Variants in SGCZ observed in about 807,000 individuals in gnomAD.
The protein encoded by SGCZ is sarcoglycan zeta, also known as zeta-sarcoglycan.
SGCZ carries 40 observed loss-of-function variants against 41.3 expected under a neutral mutation model. The observed-to-expected ratio is 0.97, with a 90% CI of 0.75 to 1.26. The LOEUF (loss-of-function observed/expected upper bound fraction) is 1.26, where lower values mean the gene tolerates loss of function less well. Among genes scored for constraint, SGCZ ranks in the 50% most tolerant of loss-of-function variants. The pLI is 0.00. For synonymous variants in SGCZ, 206 were observed against 137.5 expected, an observed-to-expected ratio of 1.50 and a Z score of -3.49; for missense variants, 552 against 369.8, an observed-to-expected ratio of 1.49 and a Z score of -4.04.
At chr8:14,414,548 C>T (rs1585477645) in intron 2 of SGCZ, among the ~76,000 whole-genome samples, 1 of 151,950 alleles carries the variant, frequency 6.6e-6, no homozygotes, top group African/African-American at 2.4e-5. Context: ...TTATAAACCT[C>T]TTCAAAAGTA....
chr8:14,702,996 T>G (rs1278134336), intron 1 of SGCZ, among the ~76,000 whole-genome samples: 1 of 150,838 alleles, frequency 6.6e-6, no homozygotes, highest in Non-Finnish European at 1.5e-5. Context: ...CAGATAGATT[T>G]ATTTGAACAA....
At chr8:14,872,474 G>A (rs1256045458) in intron 1 of SGCZ, among the ~76,000 whole-genome samples, 1 of 152,038 alleles carries the variant, frequency 6.6e-6, no homozygotes, top group Non-Finnish European at 1.5e-5. Context: ...AAAATATGCT[G>A]TTTAATTAGA....
chr8:14,332,972 T>C (rs1037948196), intron 2 of SGCZ, among the ~76,000 whole-genome samples: 18 of 151,138 alleles, frequency 1.2e-4, no homozygotes, highest in African/African-American at 3.2e-4. Flanking sequence ...ACATACGAAA[T>C]GGAGAACGGA....
chr8:14,099,537 C>T (rs1203849704), intron 7 of SGCZ, among the ~76,000 whole-genome samples: 1 of 152,046 alleles, frequency 6.6e-6, no homozygotes, highest in African/African-American at 2.4e-5. Context: ...CAAGCCTGAC[C>T]AACATGGCGA....
In SGCZ at chr8:14,505,070, G is replaced by A. The variant is rs761971716; in HGVS notation, c.234+49662C>T. Among the ~76,000 whole-genome samples, 6 of 152,116 alleles carry A rather than the reference G, an allele frequency of 3.9e-5. No individual in the cohort carries two copies. In the East Asian group the frequency reaches 5.8e-4, roughly 15 times the overall value. On this transcript the variant is annotated intron_variant, in intron 2 of 7. Coordinates refer to ENST00000382080, the MANE Select transcript of SGCZ (RefSeq NM_139167.4). ...AGGCTGAGGCATGAGAATGGCTTGAGCTCATGGGTTCACGACTGTAGTGGG... is the reference window on the plus strand; with the variant it reads ...AGGCTGAGGCATGAGAATGGCTTGAACTCATGGGTTCACGACTGTAGTGGG...
intron 1 of SGCZ, among the ~76,000 whole-genome samples, chr8:14,634,395 T>G (rs2117406759): frequency 6.6e-6 from 1 of 152,016 alleles, no homozygotes; most frequent in South Asian, 2.1e-4. Flanking sequence ...TGTGTATTTT[T>G]TAAACCACCC....
chr8:14,350,091 C>T lies in SGCZ; in HGVS notation c.235-25887G>A, dbSNP rs574504565. On this transcript the variant is annotated intron_variant, in intron 2 of 7. Coordinates refer to ENST00000382080, the MANE Select transcript of SGCZ (RefSeq NM_139167.4). ...GGCTAAATGATTGATAAAATCCCCTCGTGACTTGGAAAATGTCTTTGGAAG... is the reference window on the plus strand; with the variant it reads ...GGCTAAATGATTGATAAAATCCCCTTGTGACTTGGAAAATGTCTTTGGAAG... Among the ~76,000 whole-genome samples, 13 of 152,164 alleles carry T rather than the reference C, an allele frequency of 8.5e-5. 1 individual carries two copies. The highest frequency in any genetic ancestry group is 2.9e-4 in the African/African-American group (12 of 41,526).
chr8:14,290,685 C>T (rs1800810166), intron 3 of SGCZ, among the ~76,000 whole-genome samples: 1 of 151,818 alleles, frequency 6.6e-6, no homozygotes, highest in South Asian at 2.1e-4. Flanking sequence ...TTAAAAGACA[C>T]CCAGTGTCAA....
At chr8:14,122,069 G>C (rs867074338) in intron 5 of SGCZ, among the ~76,000 whole-genome samples, 3 of 152,266 alleles carry the variant, frequency 2.0e-5, no homozygotes, top group South Asian at 4.1e-4. Flanking sequence ...CCAAGGTCAG[G>C]AGATCGAGAC....
At chr8:14,755,534 CT>C (rs1446217187) in intron 1 of SGCZ, among the ~76,000 whole-genome samples, 1 of 152,156 alleles carries the variant, frequency 6.6e-6, no homozygotes, top group Admixed American at 6.5e-5. Context: ...TTAATAAGCT[CT>C]TAACAACAAC....
chr8:14,764,378 C>T (rs1799977679), intron 1 of SGCZ, among the ~76,000 whole-genome samples: 1 of 152,122 alleles, frequency 6.6e-6, no homozygotes, highest in Admixed American at 6.5e-5. Flanking sequence ...CATATCCTTA[C>T]AATAAAAGAA....
At chr8:14,393,381 G>A (rs144043293) in intron 2 of SGCZ, among the ~76,000 whole-genome samples, 260 of 152,162 alleles carry the variant, frequency 1.7e-3, no homozygotes, top group Middle Eastern at 6.8e-3. Flanking sequence ...TCAAGATGGC[G>A]ACTCCATCTT....
intron 5 of SGCZ, among the ~76,000 whole-genome samples, chr8:14,163,651 C>A (rs1013889946): frequency 1.6e-4 from 24 of 152,120 alleles, no homozygotes; most frequent in Admixed American, 6.6e-4. Flanking sequence ...GAGGGAAAAT[C>A]AGAGGCATCT....
intron 1 of SGCZ, among the ~76,000 whole-genome samples, chr8:14,816,199 G>A (rs1317947412): frequency 2.6e-5 from 4 of 152,168 alleles, no homozygotes; most frequent in East Asian, 1.9e-4. Flanking sequence ...ATGCAGTCTC[G>A]ACATATTTCA....
intron 1 of SGCZ, among the ~76,000 whole-genome samples, chr8:15,155,017 C>A (rs762428541): frequency 7.4e-4 from 112 of 152,156 alleles, no homozygotes; most frequent in Non-Finnish European, 1.3e-3. Context: ...TGCAGCCAAG[C>A]ATGGTAGCTC....
intron 1 of SGCZ, among the ~76,000 whole-genome samples, chr8:14,569,185 A>C (rs1376138784): frequency 6.6e-6 from 1 of 152,196 alleles, no homozygotes; most frequent in African/African-American, 2.4e-5. Flanking sequence ...AAATTGAGCT[A>C]TTTAGTCATT....
At chr8:14,260,964 G>A (rs1799643666) in intron 3 of SGCZ, among the ~76,000 whole-genome samples, 1 of 152,144 alleles carries the variant, frequency 6.6e-6, no homozygotes, top group Non-Finnish European at 1.5e-5. Flanking sequence ...TGGGGAGTGG[G>A]GAGGGATAGC....
At chr8:14,325,581 CATAT>C (rs940594825) in intron 2 of SGCZ, among the ~76,000 whole-genome samples, 2 of 142,536 alleles carry the variant, frequency 1.4e-5, no homozygotes, top group Non-Finnish European at 3.1e-5. Context: ...TATAATAGAT[CATAT>C]ATAATCACAT....
At chr8:14,529,455 C>T (rs191701389) in intron 2 of SGCZ, among the ~76,000 whole-genome samples, 1 of 152,232 alleles carries the variant, frequency 6.6e-6, no homozygotes, top group African/African-American at 2.4e-5. Flanking sequence ...TTCCTAACTC[C>T]CCATGAAGCT....
Sources: gnomAD v4.1 joint callset for allele counts (sites outside exome capture counted in the v4.1 genomes callset) on GRCh38, gnomAD v4.1.1 for gene constraint, MANE v1.5 for transcripts, NCBI Gene and HGNC (gene_info 2026-07-23, HGNC 2026-07-21) for gene names.